Variants in ADK observed in about 807,000 individuals in gnomAD.
The protein encoded by ADK is adenosine kinase, also known as N6,N6-dimethyladenosine kinase.
Under a neutral mutation model 44.7 loss-of-function variants are expected in ADK, and 24 were observed. The ratio of observed to expected loss-of-function variants is 0.54; its 90% CI spans 0.39 to 0.76. The LOEUF is 0.76. Ranked by LOEUF, ADK falls within the 30% of genes least tolerant of loss-of-function variation. The pLI is 0.00. For synonymous variants in ADK, 128 were observed against 142.6 expected (o/e 0.90, Z 0.73); for missense variants, 321 against 425.1 (o/e 0.76, Z 2.15).
intron 6 of ADK, among the ~76,000 whole-genome samples, chr10:74,409,889 G>A (rs1048543560): frequency 1.3e-5 from 2 of 152,072 alleles, no homozygotes; most frequent in Non-Finnish European, 2.9e-5. Flanking sequence ...TGCTTTGTTT[G>A]CCCTATAGGT....
intron 6 of ADK, among the ~76,000 whole-genome samples, chr10:74,475,419 C>G (rs534524641): frequency 6.6e-6 from 1 of 152,026 alleles, no homozygotes; most frequent in Non-Finnish European, 1.5e-5. Flanking sequence ...TTCACTTTAT[C>G]AAAGAGAAGG....
chr10:74,558,939 T>C (rs546578811), intron 7 of ADK, among the ~76,000 whole-genome samples: 3 of 152,338 alleles, frequency 2.0e-5, no homozygotes, highest in Non-Finnish European at 4.4e-5. Context: ...GGACTAACTT[T>C]AGGCTTTGAA....
In ADK at chr10:74,446,960, C is replaced by T. The variant is rs76983564; in HGVS notation, c.555+48381C>T. Among the ~76,000 whole-genome samples the T allele has an allele frequency of 2.5e-3, 373 of 152,164 alleles. 11 individuals carry two copies. In the East Asian group the frequency reaches 0.059, roughly 24 times the overall value. On this transcript the variant is annotated intron_variant, in intron 6 of 10. Transcript: ENST00000539909. ...CAAAGCATTTTAAATCTTCTACTCT[C>T]CAGTAATAGTTTTTGTCAAATATAT...
chr10:74,275,747 C>T (rs999072216), intron 3 of ADK, among the ~76,000 whole-genome samples: 4 of 152,154 alleles, frequency 2.6e-5, no homozygotes, highest in Admixed American at 6.5e-5. Context: ...CAACCTCCAC[C>T]TCCCATGTTC....
intron 1 of ADK, among the ~76,000 whole-genome samples, chr10:74,200,413 G>A (rs1460152643): frequency 3.3e-5 from 5 of 151,372 alleles, no homozygotes; most frequent in African/African-American, 1.2e-4. Flanking sequence ...GAACCTGGGA[G>A]GTGGAGGTTG....
chr10:74,362,994 GA>G (rs1842385731), intron 4 of ADK, among the ~76,000 whole-genome samples: 1 of 152,218 alleles, frequency 6.6e-6, no homozygotes, highest in African/African-American at 2.4e-5. Flanking sequence ...TGACTACAAA[GA>G]GAGTGGCTGG....
chr10:74,580,533 C>A (rs572024364), intron 7 of ADK, among the ~76,000 whole-genome samples: 30 of 151,442 alleles, frequency 2.0e-4, no homozygotes, highest in Non-Finnish European at 3.8e-4. Context: ...TGAGATCATG[C>A]CATTGCACTT....
At chr10:74,313,482 A>G (rs952323167) in intron 3 of ADK, among the ~76,000 whole-genome samples, 1 of 152,062 alleles carries the variant, frequency 6.6e-6, no homozygotes, top group Non-Finnish European at 1.5e-5. Context: ...CATAGAATAC[A>G]TTACTCCATT....
chr10:74,642,827 CTTTTTTTTTTTTT>C (rs770015945), intron 9 of ADK, among the ~76,000 whole-genome samples: 3 of 77,492 alleles, frequency 3.9e-5, no homozygotes, highest in Non-Finnish European at 8.1e-5. Flanking sequence ...ATCTTAAGTT[CTTTTTTTTTTTTT>C]TTTTTTTTTT....
intron 1 of ADK, among the ~76,000 whole-genome samples, chr10:74,158,211 T>G (rs113917787): frequency 0.019 from 2,958 of 152,286 alleles, 44 homozygotes; most frequent in Middle Eastern, 0.027. Flanking sequence ...TTTCCAATGT[T>G]TCTACACTGA....
At chr10:74,356,014 T>TGTTTTG (rs757573274) in intron 4 of ADK, among the ~76,000 whole-genome samples, 1 of 128,214 alleles carries the variant, frequency 7.8e-6, no homozygotes. Context: ...TTTTTTTTTT[T>TGTTTTG]TTTTTTTTTT....
At chr10:74,400,980 G>T (rs1475700315) in intron 6 of ADK, among the ~76,000 whole-genome samples, 1 of 152,072 alleles carries the variant, frequency 6.6e-6, no homozygotes, top group Non-Finnish European at 1.5e-5. Context: ...ATTGAATATG[G>T]ATACACCAGC....
intron 6 of ADK, among the ~76,000 whole-genome samples, chr10:74,448,362 A>G (rs990212846): frequency 2.6e-5 from 4 of 152,128 alleles, no homozygotes; most frequent in Non-Finnish European, 5.9e-5. Flanking sequence ...GACCTTGGAC[A>G]ACTGTAAGCC....
chr10:74,647,116 T>C (rs1407962136), intron 9 of ADK, among the ~76,000 whole-genome samples: 1 of 151,266 alleles, frequency 6.6e-6, no homozygotes, highest in Admixed American at 6.6e-5. Context: ...AAAAAAAAAC[T>C]CTAGAGTTAG....
At position 74,456,193 on chromosome 10, in the gene ADK, T is replaced by C. The variant is rs374745102; in HGVS notation, c.555+57614T>C. ...TCAGCTCTGGACCAAGCAGATCTAA[T>C]AGACATCTACAGAACTCTCCACCCC... On this transcript the variant is annotated intron_variant, in intron 6 of 10. Coordinates refer to ENST00000539909, the MANE Select transcript of ADK (RefSeq NM_006721.4). 5.3e-4 allele frequency among the ~76,000 whole-genome samples: 81 copies of C among 152,196 alleles called. 1 individual carries two copies. The highest frequency in any genetic ancestry group is 5.3e-3 in the Admixed American group (81 of 15,290).
At chr10:74,337,760 A>AT (rs71475276) in intron 4 of ADK, among the ~76,000 whole-genome samples, 3,824 of 130,118 alleles carry the variant, frequency 0.029, 81 homozygotes, top group Non-Finnish European at 0.036. Context: ...TCTTCGGATG[A>AT]TTTTTTTTTT....
intron 10 of ADK, among the ~76,000 whole-genome samples, chr10:74,696,912 G>A (rs7079709): frequency 0.69 from 105,388 of 151,916 alleles, 36,753 homozygotes; most frequent in Middle Eastern, 0.79. Context: ...AGGTATTGCT[G>A]TCTATTCACA....
At chr10:74,355,302 G>A (rs894770789) in intron 4 of ADK, among the ~76,000 whole-genome samples, 13 of 152,146 alleles carry the variant, frequency 8.5e-5, no homozygotes, top group Non-Finnish European at 1.6e-4. Context: ...TGTTAAGAGA[G>A]TATGTATGTA....
chr10:74,314,812 A>G, intron 4 of ADK, 67 bp downstream of exon 4: 1 of 1,216,038 alleles, frequency 8.2e-7, no homozygotes, highest in Non-Finnish European at 1.2e-6. Flanking sequence ...ATTTTGCATA[A>G]TTGTTTCCTT....
Sources: allele counts gnomAD v4.1 joint callset (sites outside exome capture counted in the v4.1 genomes callset), GRCh38; gene constraint gnomAD v4.1.1; transcripts MANE v1.5; gene names NCBI Gene and HGNC (gene_info 2026-07-23, HGNC 2026-07-21).